Variants in SP140 observed in about 807,000 individuals in gnomAD.
The protein encoded by SP140 is nuclear body protein SP140.
In SP140, 81 loss-of-function variants were observed where a neutral mutation model predicts 125.0. That is an observed-to-expected ratio of 0.65 (90% CI 0.54 to 0.78). The LOEUF (loss-of-function observed/expected upper bound fraction) is 0.78. Ranked by LOEUF, SP140 falls within the 30% of genes least tolerant of loss-of-function variation. SP140 has a pLI of 0.00. For synonymous variants in SP140, 312 were observed against 354.0 expected, an observed-to-expected ratio of 0.88 and a Z score of 1.33; for missense variants, 858 against 1,037.0, an observed-to-expected ratio of 0.83 and a Z score of 2.37.
chr2:230,226,631 G>A (rs2046412530), intron 1 of SP140, among the ~76,000 whole-genome samples: 1 of 151,980 alleles, frequency 6.6e-6, no homozygotes, highest in Non-Finnish European at 1.5e-5. Context: ...GTGTCATGGT[G>A]TATGCCTGTA....
the SP140 span, among the ~76,000 whole-genome samples, chr2:230,189,879 C>A: frequency 2.0e-5 from 3 of 152,164 alleles, no homozygotes; most frequent in African/African-American, 7.2e-5. Flanking sequence ...GATCTTATTA[C>A]TTTTTATGGC....
chr2:230,257,000 GT>G (rs898773969), intron 12 of SP140, among the ~76,000 whole-genome samples: 2 of 152,164 alleles, frequency 1.3e-5, no homozygotes, highest in Non-Finnish European at 1.5e-5. Context: ...AGAAATGCAT[GT>G]GACACGGGTG....
At chr2:230,300,566 T>C (rs2058194441) in intron 22 of SP140, among the ~76,000 whole-genome samples, 1 of 151,990 alleles carries the variant, frequency 6.6e-6, no homozygotes, top group Non-Finnish European at 1.5e-5. Flanking sequence ...ATCACAGCAG[T>C]TTGGCTCTCG....
intron 15 of SP140, among the ~76,000 whole-genome samples, chr2:230,283,491 C>T (rs1258665007): frequency 6.6e-6 from 1 of 152,132 alleles, no homozygotes; most frequent in African/African-American, 2.4e-5. Context: ...AAGAATGAGG[C>T]ATCATCCCTA....
intron 22 of SP140, among the ~76,000 whole-genome samples, chr2:230,307,955 G>GTATATATGTATATATATA (rs2058924697): frequency 2.1e-5 from 1 of 48,408 alleles, no homozygotes; most frequent in Non-Finnish European, 5.0e-5. Flanking sequence ...GGACATGCAT[G>GTATATATGTATATATATA]TATATATATA....
chr2:230,294,959 C>T (rs1478025794), intron 21 of SP140, among the ~76,000 whole-genome samples: 3 of 152,176 alleles, frequency 2.0e-5, no homozygotes, highest in African/African-American at 4.8e-5. Flanking sequence ...TCTCCAGAGG[C>T]AAATGTATTT....
intron 1 of SP140, among the ~76,000 whole-genome samples, chr2:230,205,514 T>C (rs2043672753): frequency 6.6e-6 from 1 of 152,216 alleles, no homozygotes. Context: ...CTTTCTAGTT[T>C]ATATTCTTTC....
chr2:230,265,932 G>A (rs1014054868), intron 12 of SP140, among the ~76,000 whole-genome samples: 2 of 152,160 alleles, frequency 1.3e-5, no homozygotes, highest in Non-Finnish European at 2.9e-5. Flanking sequence ...AAGGGAGACA[G>A]GAGACCTGTC....
intron 17 of SP140, among the ~76,000 whole-genome samples, chr2:230,287,238 T>C (rs541307407): frequency 5.3e-5 from 8 of 152,316 alleles, no homozygotes; most frequent in African/African-American, 1.9e-4. Flanking sequence ...TAATATTTAT[T>C]TTGTCCAAAG....
At chr2:230,248,228 C>T (rs1019147351) in intron 8 of SP140, among the ~76,000 whole-genome samples, 163 bp downstream of exon 8, 12 of 152,174 alleles carry the variant, frequency 7.9e-5, no homozygotes, top group African/African-American at 2.9e-4. Context: ...GATATGCAAA[C>T]AGCTGTATGT....
At chr2:230,245,557 A>C (rs2049311938) in intron 6 of SP140, among the ~76,000 whole-genome samples, 1 of 152,188 alleles carries the variant, frequency 6.6e-6, no homozygotes, top group South Asian at 2.1e-4. Flanking sequence ...AAGAGACAGA[A>C]ATGCAAAGAA....
intron 1 of SP140, chr2:230,213,149 G>T: frequency 1.1e-6 from 1 of 938,548 alleles, no homozygotes; most frequent in Non-Finnish European, 1.7e-6. Context: ...TGTCCCCCAG[G>T]TGCAGAGAAC....
intron 11 of SP140, among the ~76,000 whole-genome samples, chr2:230,254,050 A>G (rs73998786): frequency 0.015 from 2,237 of 152,336 alleles, 38 homozygotes; most frequent in African/African-American, 0.051. Context: ...AAAGTGAAAG[A>G]CAAAGTAGAA....
chr2:230,259,702 C>T (rs1424162909), intron 12 of SP140, among the ~76,000 whole-genome samples: 1 of 148,500 alleles, frequency 6.7e-6, no homozygotes, highest in Non-Finnish European at 1.5e-5. Flanking sequence ...AAAAAATAGT[C>T]TCCAATCTCA....
intron 12 of SP140, among the ~76,000 whole-genome samples, chr2:230,269,013 TAGAG>T (rs1295093422): frequency 6.6e-6 from 1 of 152,190 alleles, no homozygotes; most frequent in Non-Finnish European, 1.5e-5. Flanking sequence ...TGCAGTTTTA[TAGAG>T]AGTTTTAGGA....
rs2048254370 is a variant in SP140, at chr2:230,238,258, A to G, written c.283A>G (p.Met95Val). The change falls in exon 3 of 27, where the codon ATG becomes GTG. Residue 95 changes from methionine (M) to valine (V), a missense_variant. Met to Val is a conservative substitution (Grantham distance 21). Coordinates refer to ENST00000392045, the MANE Select transcript of SP140 (RefSeq NM_007237.5). Reference sequence around the variant, plus strand: ...AAACCTGGTCCCAGTGACAAGAGTGATGTATTGTGTACTCAGTGAACTGGA... The same window carrying G: ...AAACCTGGTCCCAGTGACAAGAGTGGTGTATTGTGTACTCAGTGAACTGGA... ...FRNLVPVTRV[M>V]YCVLSELEKT... is the part of the protein sequence containing the mutation. 2 of 1,612,196 alleles carry G rather than the reference A, an allele frequency of 1.2e-6. No homozygotes were observed. Among genetic ancestry groups the G allele is most frequent in the African/African-American group, 1.3e-5 (1 of 74,836 alleles).
upstream of SP140, among the ~76,000 whole-genome samples, chr2:230,221,235 C>G (rs559927986): frequency 2.0e-5 from 3 of 149,712 alleles, no homozygotes; most frequent in Admixed American, 2.0e-4. Flanking sequence ...GAGCCGAGAT[C>G]GCACCACTGC....
At chr2:230,209,905 C>A (rs766275015) in intron 1 of SP140, 13 of 1,401,304 alleles carry the variant, frequency 9.3e-6, no homozygotes, top group Non-Finnish European at 1.3e-5. Flanking sequence ...CCCTTCTGAC[C>A]TCTACAGAAG....
At chr2:230,241,046 G>T (rs911646102) in intron 3 of SP140, among the ~76,000 whole-genome samples, 19 of 152,182 alleles carry the variant, frequency 1.2e-4, no homozygotes, top group Admixed American at 1.2e-3. Context: ...TAAGCAAGTT[G>T]TAAGAGTACA....
Sources: allele counts gnomAD v4.1 joint callset (sites outside exome capture counted in the v4.1 genomes callset), GRCh38; gene constraint gnomAD v4.1.1; transcripts MANE v1.5; gene names NCBI Gene and HGNC (gene_info 2026-07-23, HGNC 2026-07-21).